GNG7: variants seen among roughly 807,000 people sequenced by gnomAD.
GNG7 encodes G protein subunit gamma 7, also known as guanine nucleotide-binding protein G(I)/G(S)/G(O) subunit gamma-7.
Under a neutral mutation model 4.0 loss-of-function variants are expected in GNG7, and 1 was observed. The observed-to-expected ratio is 0.25, with a 90% CI of 0.09 to 1.18. The LOEUF (loss-of-function observed/expected upper bound fraction) is 1.18. Among genes scored for constraint, GNG7 ranks in the 50% most tolerant of loss-of-function variants. GNG7 has a pLI of 0.50. For synonymous variants in GNG7, 34 were observed against 36.9 expected (o/e 0.92, Z 0.29); for missense variants, 86 against 91.9 (o/e 0.94, Z 0.26).
At chr19:2,624,533 AAAAAAAAAAAAAAG>A (rs1319203285) in intron 2 of GNG7, among the ~76,000 whole-genome samples, 1 of 150,864 alleles carries the variant, frequency 6.6e-6, no homozygotes, top group Non-Finnish European at 1.5e-5. Flanking sequence ...CGTCTCAAAA[AAAAAAAAAAAAAAG>A]AAAAAGAAAA....
chr19:2,551,482 C>T (rs571989203), intron 3 of GNG7, among the ~76,000 whole-genome samples: 18 of 116,840 alleles, frequency 1.5e-4, no homozygotes, highest in South Asian at 8.3e-4. Flanking sequence ...AAAGCCCTGC[C>T]GTGCTGGTAA....
At chr19:2,535,519 T>A (rs570230926) in intron 3 of GNG7, among the ~76,000 whole-genome samples, 135 of 150,672 alleles carry the variant, frequency 9.0e-4, no homozygotes, top group Non-Finnish European at 1.6e-3. Context: ...AAAAAAGATC[T>A]GAATTGTTGT....
Position 2,617,745 on chromosome 19 carries a change from G to T in GNG7, c.-78+28479C>A, listed in dbSNP as rs62123732. Among the ~76,000 whole-genome samples the T allele has an allele frequency of 0.077, 11,663 of 150,944 alleles. 519 individuals carry two copies. Among genetic ancestry groups the T allele is most frequent in the African/African-American group, 0.12 (4,996 of 41,060 alleles). ...TTATTTTTTTTTTTTTTGAGATAGG[G>T]TCTTGCTCTGTTGCCCAGGCTGGAG... On this transcript the variant is annotated intron_variant, in intron 2 of 4. Transcript: ENST00000382159. This position sits in a 1 kb window ranked among gnomAD's most constrained non-coding sequence, Gnocchi z 4.7.
chr19:2,518,925 A>G (rs1978294604), intron 4 of GNG7, among the ~76,000 whole-genome samples: 2 of 151,910 alleles, frequency 1.3e-5, no homozygotes, highest in Admixed American at 6.6e-5. Flanking sequence ...TCTCCCAAGT[A>G]GCTGGGACTA....
At chr19:2,631,763 C>A (rs1285485273) in intron 2 of GNG7, among the ~76,000 whole-genome samples, 1 of 152,200 alleles carries the variant, frequency 6.6e-6, no homozygotes, top group Non-Finnish European at 1.5e-5. Flanking sequence ...TGGCTGTATG[C>A]CAATAAAACT....
chr19:2,645,017 T>C (rs932974248), intron 2 of GNG7, among the ~76,000 whole-genome samples: 5 of 152,170 alleles, frequency 3.3e-5, no homozygotes, highest in Admixed American at 6.6e-5. Context: ...AGCTAAAATA[T>C]GCATTTTTAA....
intron 3 of GNG7, among the ~76,000 whole-genome samples, chr19:2,524,480 G>C (rs887177839): frequency 6.6e-6 from 1 of 152,228 alleles, no homozygotes; most frequent in South Asian, 2.1e-4. Flanking sequence ...ATGTATGTGT[G>C]TATGTGTATA....
At chr19:2,646,451 G>C (rs530064338) in intron 1 of GNG7, among the ~76,000 whole-genome samples, 171 bp from the exon 2 acceptor site, 2 of 152,308 alleles carry the variant, frequency 1.3e-5, no homozygotes, top group African/African-American at 4.8e-5. Context: ...ACTTTGGGAG[G>C]CCAAGGCAGG....
intron 2 of GNG7, among the ~76,000 whole-genome samples, chr19:2,627,974 C>T (rs1452112274): frequency 6.6e-6 from 1 of 152,188 alleles, no homozygotes; most frequent in Non-Finnish European, 1.5e-5. Flanking sequence ...ACGGTCCGGC[C>T]CAGGTGACAG....
chr19:2,584,148 C>T (rs1212623551), intron 2 of GNG7, among the ~76,000 whole-genome samples: 1 of 152,032 alleles, frequency 6.6e-6, no homozygotes, highest in Non-Finnish European at 1.5e-5. Flanking sequence ...CAGAAGGACA[C>T]AGAGCCAGCT....
intron 2 of GNG7, among the ~76,000 whole-genome samples, chr19:2,623,812 C>T (rs543091290): frequency 5.3e-5 from 8 of 151,842 alleles, no homozygotes; most frequent in Admixed American, 1.3e-4. Context: ...ATCTGGGAGG[C>T]GGAGGTTGCA....
In GNG7 at chr19:2,609,817, G is replaced by A. The variant is rs7252358; in HGVS notation, c.-78+36407C>T. On this transcript the variant is annotated intron_variant, in intron 2 of 4. Coordinates refer to ENST00000382159, the MANE Select transcript of GNG7 (RefSeq NM_052847.3). The surrounding 1 kb of genome is among the most constrained non-coding windows in gnomAD (Gnocchi z 4.4). ...GTAGGACAATCCAGTGGGACCTGGG[G>A]GTGCCTCTGGGCCATTGGGGGACCC... Among the ~76,000 whole-genome samples the A allele has an allele frequency of 0.073, 11,091 of 152,222 alleles. 484 individuals are homozygous for A. The highest frequency in any genetic ancestry group is 0.14 in the South Asian group (679 of 4,814).
At chr19:2,690,654 C>G (rs995546517) in intron 1 of GNG7, among the ~76,000 whole-genome samples, 2 of 151,944 alleles carry the variant, frequency 1.3e-5, no homozygotes, top group African/African-American at 4.8e-5. Flanking sequence ...AGTGCAGTGG[C>G]ACAATCTTGG....
chr19:2,647,021 T>G (rs774406926), intron 1 of GNG7, among the ~76,000 whole-genome samples: 39 of 152,192 alleles, frequency 2.6e-4, no homozygotes, highest in Non-Finnish European at 3.7e-4. Flanking sequence ...GCTCAGCTGG[T>G]ACGGGCAGTC....
chr19:2,620,717 T>G (rs1981846646), intron 2 of GNG7, among the ~76,000 whole-genome samples: 1 of 152,098 alleles, frequency 6.6e-6, no homozygotes, highest in Admixed American at 6.6e-5. Flanking sequence ...GTTGTGCGCC[T>G]GTAATCCCAG....
At chr19:2,622,360 T>C (rs928380953) in intron 2 of GNG7, among the ~76,000 whole-genome samples, 19 of 152,264 alleles carry the variant, frequency 1.2e-4, no homozygotes, top group Admixed American at 3.9e-4. Context: ...ATTACAGGCA[T>C]GAGCCACCGC....
chr19:2,581,601 C>T (rs1476900254), intron 2 of GNG7, among the ~76,000 whole-genome samples: 1 of 152,144 alleles, frequency 6.6e-6, no homozygotes, highest in African/African-American at 2.4e-5. Flanking sequence ...CACTTCTGCA[C>T]GTGTTTTCAC....
chr19:2,526,698 T>C (rs8109036), intron 3 of GNG7, among the ~76,000 whole-genome samples: 63,463 of 149,108 alleles, frequency 0.43, 13,914 homozygotes, highest in African/African-American at 0.55. Context: ...CATTATTAAT[T>C]ATATAGTTTG....
At chr19:2,695,607 G>A (rs1395536987) in intron 1 of GNG7, among the ~76,000 whole-genome samples, 2 of 151,836 alleles carry the variant, frequency 1.3e-5, no homozygotes, top group East Asian at 1.9e-4. Flanking sequence ...GCCAAGTGGG[G>A]GTGGGGTACT....
Sources: allele counts gnomAD v4.1 joint callset (sites outside exome capture counted in the v4.1 genomes callset), GRCh38; gene constraint gnomAD v4.1.1; non-coding constraint Gnocchi (gnomAD v3.1); transcripts MANE v1.5; gene names NCBI Gene and HGNC (gene_info 2026-07-23, HGNC 2026-07-21).